The following PDZRN4 variants were observed in gnomAD, a reference collection of about 807,000 sequenced individuals.
The protein encoded by PDZRN4 is PDZ domain containing ring finger 4, also known as PDZ domain-containing RING finger protein 4.
Under a neutral mutation model 99.0 loss-of-function variants are expected in PDZRN4, and 70 were observed. That is an observed-to-expected ratio of 0.71 (90% CI 0.58 to 0.86). The LOEUF (loss-of-function observed/expected upper bound fraction) is 0.86, where lower values mean the gene tolerates loss of function less well. Ranked by LOEUF, PDZRN4 falls within the 40% of genes least tolerant of loss-of-function variation. The pLI is 0.00. For missense variants in PDZRN4, 1,474 were observed against 1,331.2 expected, an observed-to-expected ratio of 1.11 and a Z score of -1.67; for synonymous variants, 551 against 501.6, an observed-to-expected ratio of 1.10 and a Z score of -1.32.
intron 3 of PDZRN4, among the ~76,000 whole-genome samples, chr12:41,349,446 T>C (rs1030109145): frequency 6.6e-6 from 1 of 151,242 alleles, no homozygotes; most frequent in African/African-American, 2.4e-5. Flanking sequence ...CATTTTACCA[T>C]CCATGTTTAT....
At position 41,506,669 on chromosome 12, in the gene PDZRN4, A is replaced by G; in HGVS notation, c.1057A>G (p.Thr353Ala). Reference protein sequence around the residue: ...IMALAKLRPPTPPVPDICPFL... With the variant: ...IMALAKLRPPAPPVPDICPFL... ...GGCTCTGGCCAAGCTTCGTCCACCT[A>G]CCCCTCCAGTGCCAGACATCTGTCC... is the stretch of plus-strand genomic sequence containing the variant. The change falls in exon 4 of 10, where the codon ACC becomes GCC. Residue 353 changes from threonine to alanine, a missense_variant. Thr to Ala is a moderately conservative substitution (Grantham distance 58, BLOSUM62 0). Transcript: ENST00000402685. 6.2e-7 allele frequency: 1 copy of G among 1,613,552 alleles called. No homozygotes were observed. Among genetic ancestry groups the G allele is most frequent in the African/African-American group, 1.3e-5 (1 of 74,972 alleles).
intron 3 of PDZRN4, among the ~76,000 whole-genome samples, chr12:41,395,257 A>G (rs1053576586): frequency 2.0e-5 from 3 of 152,106 alleles, no homozygotes; most frequent in African/African-American, 4.8e-5. Context: ...AAAGCAAAGT[A>G]TCTGCTCCCC....
intron 3 of PDZRN4, among the ~76,000 whole-genome samples, chr12:41,198,380 G>A (rs1191883785): frequency 1.3e-5 from 2 of 152,074 alleles, no homozygotes; most frequent in African/African-American, 4.8e-5. Context: ...AGTGCTGGAG[G>A]CACAGTGCTT....
intron 3 of PDZRN4, among the ~76,000 whole-genome samples, chr12:41,372,636 G>A (rs1410511293): frequency 2.0e-5 from 3 of 152,110 alleles, no homozygotes; most frequent in African/African-American, 7.2e-5. Flanking sequence ...GGTAATAAAG[G>A]CATTTGCATA....
intron 3 of PDZRN4, among the ~76,000 whole-genome samples, chr12:41,305,430 T>C (rs952968484): frequency 6.6e-6 from 1 of 152,230 alleles, no homozygotes; most frequent in African/African-American, 2.4e-5. Flanking sequence ...GTGACTATAA[T>C]AAAATACCGT....
At chr12:41,360,528 A>G (rs946501988) in intron 3 of PDZRN4, among the ~76,000 whole-genome samples, 2 of 152,048 alleles carry the variant, frequency 1.3e-5, no homozygotes, top group Non-Finnish European at 2.9e-5. Context: ...TGATACTAAC[A>G]TGCAGCTAAG....
At chr12:41,380,036 A>G (rs907337359) in intron 3 of PDZRN4, among the ~76,000 whole-genome samples, 4 of 152,010 alleles carry the variant, frequency 2.6e-5, no homozygotes, top group African/African-American at 7.2e-5. Flanking sequence ...TGCTGGATGC[A>G]TACGTATTTC....
At chr12:41,515,764 G>A (rs780457992) in intron 5 of PDZRN4, among the ~76,000 whole-genome samples, 2 of 151,914 alleles carry the variant, frequency 1.3e-5, no homozygotes, top group Non-Finnish European at 2.9e-5. Context: ...AGTTTTTGGT[G>A]TCTTGTAGCC....
intron 3 of PDZRN4, among the ~76,000 whole-genome samples, chr12:41,247,969 G>A (rs1339547094): frequency 2.7e-5 from 1 of 37,364 alleles, no homozygotes; most frequent in Admixed American, 4.2e-4. Flanking sequence ...GCTCACAGAC[G>A]TGAAAGTTAT....
At chr12:41,295,962 CCAT>C (rs1951490856) in intron 3 of PDZRN4, among the ~76,000 whole-genome samples, 2 of 152,066 alleles carry the variant, frequency 1.3e-5, no homozygotes, top group African/African-American at 4.8e-5. Flanking sequence ...CACAGACCAT[CCAT>C]TTCCTCAAAA....
chr12:41,361,232 T>C lies in PDZRN4; in HGVS notation c.844-145224T>C, dbSNP rs184367224. Among the ~76,000 whole-genome samples, 8 of 152,192 alleles carry C rather than the reference T, an allele frequency of 5.3e-5. No homozygotes were observed. In the East Asian group the frequency reaches 9.7e-4, roughly 18 times the overall value. ...ATAACAAAAGTACATAAACAAATAA[T>C]TATAGAATTAGCTTTCAGTAACTTC... On this transcript the variant is annotated intron_variant, in intron 3 of 9. Transcript: ENST00000402685.
chr12:41,295,905 CT>C (rs1007313986), intron 3 of PDZRN4, among the ~76,000 whole-genome samples: 4 of 152,054 alleles, frequency 2.6e-5, no homozygotes, highest in Admixed American at 6.6e-5. Flanking sequence ...AAATGGATAA[CT>C]TTTTTTCAAA....
chr12:41,249,167 AATT>A (rs2120803939), intron 3 of PDZRN4, among the ~76,000 whole-genome samples: 1 of 152,346 alleles, frequency 6.6e-6, no homozygotes, highest in African/African-American at 2.4e-5. Flanking sequence ...TCAAAAAGAT[AATT>A]ATAAGACTCA....
chr12:41,474,539 A>C (rs941810088), intron 3 of PDZRN4, among the ~76,000 whole-genome samples: 1 of 152,230 alleles, frequency 6.6e-6, no homozygotes, highest in African/African-American at 2.4e-5. Context: ...GTTGAAACTC[A>C]AACACAGGAG....
rs997989420 is a variant in PDZRN4, at chr12:41,573,290, A to T, written c.2511A>T (p.Ser837=). The change falls in exon 10 of 10, where the codon TCA becomes TCT. Residue 837 remains serine, a synonymous_variant. Coordinates refer to ENST00000402685, the MANE Select transcript of PDZRN4 (RefSeq NM_001164595.2). ...IPYLSPYHSS[S]YRYANIPAHA... ...ACCTCTCTCCTTACCACAGCTCCTC[A>T]TATAGATATGCAAACATCCCAGCAC... is the stretch of plus-strand genomic sequence containing the variant. The T allele has an allele frequency of 6.2e-6, 10 of 1,613,604 alleles. No individual in the cohort carries two copies. The highest frequency in any genetic ancestry group is 8.5e-6 in the Non-Finnish European group (10 of 1,180,030).
intron 3 of PDZRN4, among the ~76,000 whole-genome samples, chr12:41,212,651 T>C (rs985439387): frequency 3.9e-5 from 6 of 152,174 alleles, no homozygotes; most frequent in African/African-American, 1.4e-4. Context: ...TATGGTAAAG[T>C]CATAGACACA....
chr12:41,535,376 T>A (rs906433076), intron 5 of PDZRN4, among the ~76,000 whole-genome samples: 1 of 152,020 alleles, frequency 6.6e-6, no homozygotes, highest in Non-Finnish European at 1.5e-5. Context: ...CTCTTAGGAG[T>A]TTTTTAAGCT....
At chr12:41,257,437 G>A (rs775092408) in intron 3 of PDZRN4, among the ~76,000 whole-genome samples, 2 of 152,096 alleles carry the variant, frequency 1.3e-5, no homozygotes, top group African/African-American at 2.4e-5. Context: ...TAATACCATC[G>A]ACTTAGTGAT....
intron 3 of PDZRN4, among the ~76,000 whole-genome samples, chr12:41,426,075 T>C (rs1952533788): frequency 6.6e-6 from 1 of 152,184 alleles, no homozygotes; most frequent in African/African-American, 2.4e-5. Flanking sequence ...TTGTTTTTGT[T>C]TTTAAATCCA....
Sources: allele counts gnomAD v4.1 joint callset (sites outside exome capture counted in the v4.1 genomes callset), GRCh38; gene constraint gnomAD v4.1.1; transcripts MANE v1.5; gene names NCBI Gene and HGNC (gene_info 2026-07-23, HGNC 2026-07-21).